The following SCAF1 variants were observed in gnomAD, a reference collection of about 807,000 sequenced individuals.
SCAF1 encodes the protein splicing factor, arginine/serine-rich 19.
Under a neutral mutation model 91.2 loss-of-function variants are expected in SCAF1, and 28 were observed. The ratio of observed to expected loss-of-function variants is 0.31; its 90% CI spans 0.23 to 0.42. The LOEUF (loss-of-function observed/expected upper bound fraction) is 0.42, where lower values mean the gene tolerates loss of function less well. Among genes scored for constraint, SCAF1 ranks in the 10% least tolerant of loss-of-function variants. SCAF1 has a pLI of 1.00. For synonymous variants in SCAF1, 1,036 were observed against 833.7 expected (o/e 1.24, Z -4.18); for missense variants, 1,893 against 1,872.1 (o/e 1.01, Z -0.21).
Position 49,653,306 on chromosome 19 carries a change from G to A in SCAF1, c.2917G>A (p.Val973Ile). ...SWSGEERAAK[V>I]PSTPPPKAAP... ...GTCCGGGGAGGAGCGGGCAGCCAAG[G>A]TTCCTAGCACCCCGCCCCCCAAGGC... The change falls in exon 7 of 11, where the codon GTT (valine) becomes ATT (isoleucine). Residue 973 changes from valine (V) to isoleucine (I), a missense_variant. Coordinates refer to ENST00000360565, the MANE Select transcript of SCAF1 (RefSeq NM_021228.3). 2 of 1,466,186 alleles carry A rather than the reference G, an allele frequency of 1.4e-6. No individual in the cohort carries two copies. The highest frequency in any genetic ancestry group is 1.8e-6 in the Non-Finnish European group (2 of 1,107,668). The allele number at this position is 1,466,186 out of a possible 1,614,324, so 90.8% of individuals were successfully genotyped here. A position where few individuals can be genotyped will look rare whatever the true frequency, so the allele number is the denominator to read the frequency against.
At chr19:49,655,858 T>C (rs1191728957) in intron 9 of SCAF1, among the ~76,000 whole-genome samples, 1 of 151,818 alleles carries the variant, frequency 6.6e-6, no homozygotes, top group Non-Finnish European at 1.5e-5. Context: ...TTTTGTAGAG[T>C]TGGGGTCTCA....
chr19:49,652,498 G>T lies in SCAF1; in HGVS notation c.2109G>T (p.Arg703=). Reference sequence around the variant, plus strand: ...ACCACGACCTCTTCGCCATCAAGCGGACCATCACGGTGGGCCGGCTTGACA... The same window carrying T: ...ACCACGACCTCTTCGCCATCAAGCGTACCATCACGGTGGGCCGGCTTGACA... ...LTDHDLFAIK[R]TITVGRLDKS... Residue 703 remains arginine, a synonymous_variant, in exon 7 of 11, where the codon CGG becomes CGT. Transcript: ENST00000360565. 1 of 1,586,568 alleles carries T rather than the reference G, an allele frequency of 6.3e-7. No individual in the cohort carries two copies. Among genetic ancestry groups the T allele is most frequent in the East Asian group, 2.2e-5 (1 of 44,494 alleles).
At position 49,644,626 on chromosome 19, in the gene SCAF1, T is replaced by A. The variant is rs149954850; in HGVS notation, c.-6-395T>A. ...GGACTGTGGAACACACCCTTTGAAA[T>A]CACAGTGCAGCACACACAAAAAACC... On this transcript the variant is annotated intron_variant, in intron 1 of 10. Transcript: ENST00000360565. Among the ~76,000 whole-genome samples, 436 of 152,278 alleles carry A rather than the reference T, an allele frequency of 2.9e-3. 1 individual carries two copies. The highest frequency in any genetic ancestry group is 9.9e-3 in the African/African-American group (412 of 41,546).
At chr19:49,649,004 G>C (rs1023990784) in intron 6 of SCAF1, among the ~76,000 whole-genome samples, 9 of 151,840 alleles carry the variant, frequency 5.9e-5, no homozygotes, top group African/African-American at 2.2e-4. Flanking sequence ...AAGCTGCAGA[G>C]GATAAGTAAA....
chr19:49,650,806 C>G (rs771692811), intron 6 of SCAF1, 62 bp from the exon 7 acceptor site: 7 of 1,376,870 alleles, frequency 5.1e-6, no homozygotes, highest in Non-Finnish European at 7.0e-6. Flanking sequence ...GCTGGGCCAG[C>G]AAGCAGGCAC....
chr19:49,645,998 G>A lies in SCAF1; in HGVS notation c.167-110G>A, dbSNP rs202081996. On this transcript the variant is annotated intron_variant, in intron 3 of 10. Coordinates refer to ENST00000360565, the MANE Select transcript of SCAF1 (RefSeq NM_021228.3). This position sits in a 1 kb window ranked among gnomAD's most constrained non-coding sequence, Gnocchi z 4.6. ...GCGCATGGAGGCCTGGAGAGCATGC[G>A]GGAGGCTGGTTCCGCTGTCAGGAAC... 3.6e-4 allele frequency: 347 copies of A among 969,864 alleles called. 4 individuals carry two copies. In the East Asian group the frequency reaches 8.7e-3, roughly 24 times the overall value. 60.1% of individuals were successfully genotyped at this position (969,864 alleles called of 1,614,324 possible).
Position 49,657,755 on chromosome 19 carries a change from C to G in SCAF1, c.3619-6C>G. 5.6e-6 allele frequency: 9 copies of G among 1,597,348 alleles called. No individual in the cohort carries two copies. Among genetic ancestry groups the G allele is most frequent in the Non-Finnish European group, 7.7e-6 (9 of 1,171,472 alleles). On this transcript the variant is annotated splice_region_variant and splice_polypyrimidine_tract_variant and intron_variant, in intron 9 of 10. Transcript: ENST00000360565. Reference sequence around the variant, plus strand: ...GTGTCTTCCCCCGCTGTCGCCACCCCACCAGTATCTGAAGAAGCTGCACAC... The same window carrying G: ...GTGTCTTCCCCCGCTGTCGCCACCCGACCAGTATCTGAAGAAGCTGCACAC...
At chr19:49,657,264 T>C (rs1308769965) in intron 9 of SCAF1, among the ~76,000 whole-genome samples, 2 of 151,758 alleles carry the variant, frequency 1.3e-5, no homozygotes, top group South Asian at 4.2e-4. Flanking sequence ...TCAAGGTCAG[T>C]CCCCACCCCC....
rs757243769 is a variant in SCAF1, at chr19:49,651,454, G to A, written c.1065G>A (p.Val355=). 6.3e-7 allele frequency: 1 copy of A among 1,591,820 alleles called. No homozygotes were observed. The highest frequency in any genetic ancestry group is 1.1e-5 in the South Asian group (1 of 88,772). The stretch of plus-strand genomic sequence containing the variant: ...CCATGCGCCGGCGGGTCTTCGTGGT[G>A]GGGACCGAGGCAGAGGCTTGTCGGG... ...DGAMRRRVFV[V]GTEAEACREG... Residue 355 remains valine, a synonymous_variant, in exon 7 of 11, where the codon GTG becomes GTA. Transcript: ENST00000360565.
chr19:49,658,495 TG>T lies in SCAF1; in HGVS notation c.*101del. 2 of 706,220 alleles carry T rather than the reference TG, an allele frequency of 2.8e-6. No individual in the cohort carries two copies. Among genetic ancestry groups the T allele is most frequent in the Non-Finnish European group, 4.7e-6 (2 of 427,424 alleles). The allele number at this position is 706,220 out of a possible 1,614,324, so 43.7% of individuals were successfully genotyped here. A position where few individuals can be genotyped will look rare whatever the true frequency, so the allele number is the denominator to read the frequency against. On this transcript the variant is annotated 3_prime_UTR_variant, in exon 11 of 11. Transcript: ENST00000360565. ...CTCCCTCCCCCGTCAGTGGGATGAC[TG>T]GGGGAGGGTTGCTGCAGGGAAGAGG...
In SCAF1 at chr19:49,645,785, G is replaced by A. The variant is rs1414290163; in HGVS notation, c.167-323G>A. The stretch of plus-strand genomic sequence containing the variant: ...CACGGGTGCAGCGGCGAGGGGCTGC[G>A]CTGGGCTTCCTTGGGGCTGGCATGC... On this transcript the variant is annotated intron_variant, in intron 3 of 10. Coordinates refer to ENST00000360565, the MANE Select transcript of SCAF1 (RefSeq NM_021228.3). The surrounding 1 kb of genome is among the most constrained non-coding windows in gnomAD (Gnocchi z 4.6). Among the ~76,000 whole-genome samples the A allele has an allele frequency of 5.9e-5, 9 of 152,086 alleles. No individual in the cohort carries two copies. The highest frequency in any genetic ancestry group is 3.9e-4 in the Admixed American group (6 of 15,282).
chr19:49,650,202 G>A (rs149165628), intron 6 of SCAF1, among the ~76,000 whole-genome samples: 13 of 152,288 alleles, frequency 8.5e-5, no homozygotes, highest in African/African-American at 2.6e-4. Flanking sequence ...CCTTGGGTGG[G>A]GACTCAGCAC....
In SCAF1 at chr19:49,652,952, G is replaced by A. The variant is rs2081110429; in HGVS notation, c.2563G>A (p.Ala855Thr). The stretch of plus-strand genomic sequence containing the variant: ...CAGCACCACCCCGGCCAAGGATGCC[G>A]CGTCAGCCGGCCTGGGCTCCATTGG... The part of the protein sequence containing the change: ...VSSTTPAKDA[A>T]SAGLGSIGVK... The change falls in exon 7 of 11, where the codon GCG (alanine) becomes ACG (threonine). Residue 855 changes from alanine to threonine, a missense_variant. By Grantham distance (58) the Ala-to-Thr change is moderately conservative. Transcript: ENST00000360565. 1.3e-5 allele frequency: 21 copies of A among 1,613,868 alleles called. No homozygotes were observed. The highest frequency in any genetic ancestry group is 1.8e-5 in the Non-Finnish European group (21 of 1,179,976).
In SCAF1 at chr19:49,652,849, A is replaced by G; in HGVS notation, c.2460A>G (p.Ser820=). 6.2e-7 allele frequency: 1 copy of G among 1,613,992 alleles called. No individual in the cohort carries two copies. Residue 820 remains serine (S), a synonymous_variant, in exon 7 of 11, where the codon TCA becomes TCG. Coordinates refer to ENST00000360565, the MANE Select transcript of SCAF1 (RefSeq NM_021228.3). ...CAGTCAGCAGCGGCTCAGGCTCTTC[A>G]TCCTCGTCGTCCTCCTGTTCTTCCC... The part of the protein sequence containing the change: ...KPPVSSGSGS[S]SSSSSCSSRK...
intron 6 of SCAF1, among the ~76,000 whole-genome samples, chr19:49,648,562 C>CCG: frequency 6.9e-6 from 1 of 145,222 alleles, no homozygotes; most frequent in East Asian, 2.0e-4. Flanking sequence ...CCTGCCACAC[C>CCG]CCCCCCCCTT....
rs1239277584 is a variant in SCAF1, at chr19:49,651,805, C to T, written c.1416C>T (p.Ala472=). ...DLGEPAPAPP[A]ADSRWGGLDL... ...GGGAGCCGGCTCCCGCGCCGCCCGC[C>T]GCCGACTCGCGCTGGGGCGGCCTGG... Residue 472 remains alanine (A), a synonymous_variant, in exon 7 of 11, where the codon GCC becomes GCT. Transcript: ENST00000360565. The T allele has an allele frequency of 2.5e-5, 32 of 1,263,678 alleles. No individual in the cohort carries two copies. The highest frequency in any genetic ancestry group is 3.0e-5 in the Non-Finnish European group (30 of 1,005,006). The allele number at this position is 1,263,678 out of a possible 1,614,324, so 78.3% of individuals were successfully genotyped here.
chr19:49,648,561 C>CG (rs34650454), intron 6 of SCAF1, among the ~76,000 whole-genome samples: 1 of 56,480 alleles, frequency 1.8e-5, no homozygotes, highest in Non-Finnish European at 3.4e-5. Flanking sequence ...GCCTGCCACA[C>CG]CCCCCCCCCT....
At position 49,645,049 on chromosome 19, in the gene SCAF1, G is replaced by C. The variant is rs768715882; in HGVS notation, c.23G>C (p.Arg8Pro). 1 of 1,614,092 alleles carries C rather than the reference G, an allele frequency of 6.2e-7. No individual in the cohort carries two copies. The highest frequency in any genetic ancestry group is 1.7e-5 in the Admixed American group (1 of 60,012). Residue 8 changes from arginine to proline, a missense_variant, in exon 2 of 11, where the codon CGA becomes CCA. Coordinates refer to ENST00000360565, the MANE Select transcript of SCAF1 (RefSeq NM_021228.3). This position sits in a 1 kb window ranked among gnomAD's most constrained non-coding sequence, Gnocchi z 4.6. Reference sequence around the variant, plus strand: ...ACCATGGAGGAAGAAGATGAGTCTCGAGGGAAGACAGAGGAGTCGGGGGAG... The same window carrying C: ...ACCATGGAGGAAGAAGATGAGTCTCCAGGGAAGACAGAGGAGTCGGGGGAG... The part of the protein sequence containing the change: MEEEDES[R>P]GKTEESGEDR...
rs2122489742 is a variant in SCAF1 at position 49,651,838 on chromosome 19, C to T, written c.1449C>T (p.Arg483=). The T allele has an allele frequency of 8.0e-7, 1 of 1,252,938 alleles. No individual in the cohort carries two copies. The highest frequency in any genetic ancestry group is 1.0e-6 in the Non-Finnish European group (1 of 999,334). 77.6% of individuals were successfully genotyped at this position (1,252,938 alleles called of 1,614,324 possible). Residue 483 remains arginine (R), a synonymous_variant, in exon 7 of 11, where the codon CGC becomes CGT. Coordinates refer to ENST00000360565, the MANE Select transcript of SCAF1 (RefSeq NM_021228.3). The part of the protein sequence containing the change: ...ADSRWGGLDL[R]RKILTQRRER... ...CGCGCTGGGGCGGCCTGGACCTGCGCCGCAAGATCCTGACCCAACGGCGGG... is the reference window on the plus strand; with the variant it reads ...CGCGCTGGGGCGGCCTGGACCTGCGTCGCAAGATCCTGACCCAACGGCGGG...
Sources: allele counts gnomAD v4.1 joint callset (sites outside exome capture counted in the v4.1 genomes callset), GRCh38; gene constraint gnomAD v4.1.1; non-coding constraint Gnocchi (gnomAD v3.1); transcripts MANE v1.5; gene names NCBI Gene and HGNC (gene_info 2026-07-23, HGNC 2026-07-21).